The following MRPS28 variants were observed in gnomAD, a reference collection of about 807,000 sequenced individuals.
MRPS28 encodes the protein small ribosomal subunit protein bS1m.
In MRPS28, 7 loss-of-function variants were observed where a neutral mutation model predicts 10.8. The observed-to-expected ratio is 0.65, with a 90% CI of 0.37 to 1.22. MRPS28 has a LOEUF of 1.22. Among genes scored for constraint, MRPS28 ranks in the 50% most tolerant of loss-of-function variants. The pLI is 0.02. For missense variants in MRPS28, 265 were observed against 232.9 expected (o/e 1.14, Z -0.90); for synonymous variants, 121 against 93.3 (o/e 1.30, Z -1.71).
intron 2 of MRPS28, among the ~76,000 whole-genome samples, chr8:79,978,047 A>T (rs994087457): frequency 6.6e-6 from 1 of 152,176 alleles, no homozygotes; most frequent in Non-Finnish European, 1.5e-5. Context: ...TCACATCATA[A>T]TGTAATTAGT....
chr8:79,934,887 T>A (rs1198528681), intron 2 of MRPS28, among the ~76,000 whole-genome samples: 1 of 152,246 alleles, frequency 6.6e-6, no homozygotes, highest in African/African-American at 2.4e-5. Flanking sequence ...TGGTTCCATT[T>A]GAAAAGTGGT....
chr8:79,939,977 TAA>T (rs11443456), intron 2 of MRPS28, among the ~76,000 whole-genome samples: 2 of 140,644 alleles, frequency 1.4e-5, no homozygotes. Context: ...CCGTCTCAAA[TAA>T]AAAAAAAAAA....
chr8:80,030,074 G>A lies in MRPS28; in HGVS notation c.175C>T (p.His59Tyr), dbSNP rs1227881586. The change falls in exon 1 of 3, where the codon CAC (histidine) becomes TAC (tyrosine). Residue 59 changes from histidine to tyrosine, a missense_variant. Transcript: ENST00000276585. Reference protein sequence around the residue: ...AGGFASALERHSELLQKVEPL... With the variant: ...AGGFASALERYSELLQKVEPL... ...TCCACCTTCTGTAGAAGCTCCGAGTGCCGCTCCAACGCGCTCGCGAAACCG... is the reference window on the plus strand; with the variant it reads ...TCCACCTTCTGTAGAAGCTCCGAGTACCGCTCCAACGCGCTCGCGAAACCG... 2.5e-6 allele frequency: 4 copies of A among 1,609,556 alleles called. No individual in the cohort carries two copies. The highest frequency in any genetic ancestry group is 1.1e-5 in the South Asian group (1 of 90,988).
chr8:79,988,757 G>A (rs951242535), intron 2 of MRPS28, among the ~76,000 whole-genome samples: 3 of 152,124 alleles, frequency 2.0e-5, no homozygotes, highest in Non-Finnish European at 4.4e-5. Flanking sequence ...CTGGGTAAAT[G>A]AATTTCTACT....
chr8:79,933,853 C>T (rs138050499), intron 2 of MRPS28, among the ~76,000 whole-genome samples: 2 of 152,292 alleles, frequency 1.3e-5, no homozygotes, highest in Admixed American at 1.3e-4. Flanking sequence ...GTTCCTTTGA[C>T]TATCTTAGCC....
rs1391638801 is a variant in MRPS28 at position 80,028,649 on chromosome 8, C to CGGGGGGGGGGGGGGGGGGGGGGGGGGG, written c.213+1386_213+1387insCCCCCCCCCCCCCCCCCCCCCCCCCCC. Reference sequence around the variant, plus strand: ...AGGGATCTCAAAAGCAGAAGACGGGCGGGGGGGGCGGGGCCGGGCGGGGTC... The same window carrying CGGGGGGGGGGGGGGGGGGGGGGGGGGG: ...AGGGATCTCAAAAGCAGAAGACGGGCGGGGGGGGGGGGGGGGGGGGGGGGGGGGGGGGGGGCGGGGCCGGGCGGGGTC... On this transcript the variant is annotated intron_variant, in intron 1 of 2. Transcript: ENST00000276585. 8.8e-4 allele frequency: 4 copies of CGGGGGGGGGGGGGGGGGGGGGGGGGGG among 4,542 alleles called. 2 individuals carry two copies. The highest frequency in any genetic ancestry group is 2.9e-3 in the African/African-American group (2 of 700). 0.3% of individuals were successfully genotyped at this position (4,542 alleles called of 1,614,324 possible).
chr8:80,004,489 T>C (rs1808768031), intron 1 of MRPS28, among the ~76,000 whole-genome samples: 1 of 152,066 alleles, frequency 6.6e-6, no homozygotes, highest in Admixed American at 6.5e-5. Flanking sequence ...CATCTGTACG[T>C]CACCATCATC....
intron 1 of MRPS28, among the ~76,000 whole-genome samples, chr8:80,009,572 C>T (rs199518577): frequency 4.1e-4 from 62 of 151,844 alleles, no homozygotes; most frequent in Admixed American, 2.0e-3. Flanking sequence ...GCCGAGATCA[C>T]GCCATTTCAC....
At chr8:79,991,018 A>G (rs1217458586) in intron 2 of MRPS28, among the ~76,000 whole-genome samples, 1 of 151,800 alleles carries the variant, frequency 6.6e-6, no homozygotes, top group African/African-American at 2.4e-5. Flanking sequence ...TAACTGTGGC[A>G]AATTCAGGTA....
Position 80,003,269 on chromosome 8 carries a change from G to GT in MRPS28, c.214-90dup, listed in dbSNP as rs1808712482. 4 of 1,013,712 alleles carry GT rather than the reference G, an allele frequency of 3.9e-6. No homozygotes were observed. The East Asian group carries it at 1.2e-4, about 30-fold the overall frequency. The allele number at this position is 1,013,712 out of a possible 1,614,324, so 62.8% of individuals were successfully genotyped here. On this transcript the variant is annotated intron_variant, in intron 1 of 2. Coordinates refer to ENST00000276585, the MANE Select transcript of MRPS28 (RefSeq NM_014018.3). ...AGAAATTTTCTTAAAGTCAATTGTT[G>GT]TAGCAATAATTTTAAAATATATGTG...
chr8:79,952,596 T>G (rs1472651876), intron 2 of MRPS28, among the ~76,000 whole-genome samples: 1 of 152,148 alleles, frequency 6.6e-6, no homozygotes, highest in Non-Finnish European at 1.5e-5. Context: ...ATAGAAAGCA[T>G]ACTAGCAGAT....
intron 2 of MRPS28, among the ~76,000 whole-genome samples, chr8:79,990,837 A>AT (rs397801227): frequency 6.6e-6 from 1 of 150,724 alleles, no homozygotes; most frequent in Non-Finnish European, 1.5e-5. Flanking sequence ...AAAAAAAAAA[A>AT]TTCAAAATTA....
At chr8:79,979,366 T>C (rs1385727433) in intron 2 of MRPS28, among the ~76,000 whole-genome samples, 1 of 152,156 alleles carries the variant, frequency 6.6e-6, no homozygotes, top group Non-Finnish European at 1.5e-5. Flanking sequence ...ATGAAAAAGT[T>C]AAACACTGAT....
At chr8:80,011,139 T>TA (rs1373693756) in intron 1 of MRPS28, among the ~76,000 whole-genome samples, 5 of 148,050 alleles carry the variant, frequency 3.4e-5, no homozygotes, top group Admixed American at 1.3e-4. Context: ...TTTTTTATTT[T>TA]TATTTTTTTT....
intron 1 of MRPS28, among the ~76,000 whole-genome samples, chr8:80,028,287 C>G (rs1259992953): frequency 6.6e-6 from 1 of 152,016 alleles, no homozygotes; most frequent in Non-Finnish European, 1.5e-5. Flanking sequence ...TAGAAAAACT[C>G]CTTTCCTATA....
At chr8:79,991,048 G>C (rs1447936080) in intron 2 of MRPS28, among the ~76,000 whole-genome samples, 2 of 151,882 alleles carry the variant, frequency 1.3e-5, no homozygotes, top group African/African-American at 4.8e-5. Context: ...AGATATCCAT[G>C]GCTGGAGAAA....
At chr8:79,960,869 C>T (rs2130003630) in intron 2 of MRPS28, among the ~76,000 whole-genome samples, 1 of 152,164 alleles carries the variant, frequency 6.6e-6, no homozygotes, top group East Asian at 1.9e-4. Flanking sequence ...GATTTAGGTG[C>T]TTTATCTTTT....
intron 2 of MRPS28, among the ~76,000 whole-genome samples, chr8:79,966,001 T>TA (rs1234087347): frequency 6.6e-6 from 1 of 152,004 alleles, no homozygotes; most frequent in Non-Finnish European, 1.5e-5. Context: ...ATCCTGATTT[T>TA]AAAAAAGAAA....
chr8:80,021,481 T>C (rs1245809379), intron 1 of MRPS28, among the ~76,000 whole-genome samples: 1 of 152,160 alleles, frequency 6.6e-6, no homozygotes, highest in Non-Finnish European at 1.5e-5. Flanking sequence ...CTCTCTCTCA[T>C]TTTATGAGCA....
Sources: gnomAD v4.1 joint callset for allele counts (sites outside exome capture counted in the v4.1 genomes callset) on GRCh38, gnomAD v4.1.1 for gene constraint, MANE v1.5 for transcripts, NCBI Gene and HGNC (gene_info 2026-07-23, HGNC 2026-07-21) for gene names.